Variants in CYP7B1 observed in about 807,000 individuals in gnomAD.
CYP7B1 encodes cytochrome P450 family 7 subfamily B member 1.
In CYP7B1, 29 loss-of-function variants were observed where a neutral mutation model predicts 42.7. The ratio of observed to expected loss-of-function variants is 0.68; its 90% CI spans 0.51 to 0.93. The LOEUF (loss-of-function observed/expected upper bound fraction) is 0.93, where lower values mean the gene tolerates loss of function less well. Ranked by LOEUF, CYP7B1 falls within the 40% of genes least tolerant of loss-of-function variation. CYP7B1 has a pLI of 0.00. For synonymous variants in CYP7B1, 235 were observed against 218.2 expected, an observed-to-expected ratio of 1.08 and a Z score of -0.68; for missense variants, 655 against 600.5, an observed-to-expected ratio of 1.09 and a Z score of -0.95.
At chr8:64,714,541 C>T (rs1807125662) in intron 1 of CYP7B1, among the ~76,000 whole-genome samples, 1 of 152,192 alleles carries the variant, frequency 6.6e-6, no homozygotes. Flanking sequence ...CTTCTAGTTG[C>T]AATCAGAGGG....
At chr8:64,709,921 G>T (rs764422238) in intron 1 of CYP7B1, among the ~76,000 whole-genome samples, 2 of 152,028 alleles carry the variant, frequency 1.3e-5, no homozygotes, top group Non-Finnish European at 2.9e-5. Context: ...TACTGTTTGA[G>T]AGCAATTTTT....
At chr8:64,661,146 G>A (rs558514054) in intron 1 of CYP7B1, among the ~76,000 whole-genome samples, 63 of 152,168 alleles carry the variant, frequency 4.1e-4, no homozygotes, top group Non-Finnish European at 7.9e-4. Flanking sequence ...TTTTACAGAA[G>A]GATAAGGTTT....
intron 1 of CYP7B1, among the ~76,000 whole-genome samples, chr8:64,653,457 T>C (rs913105339): frequency 1.3e-5 from 2 of 152,130 alleles, no homozygotes; most frequent in East Asian, 1.9e-4. Context: ...CAGGAAGAAA[T>C]TGATTCTTTT....
chr8:64,689,439 A>T (rs1308364401), intron 1 of CYP7B1, among the ~76,000 whole-genome samples: 4 of 152,222 alleles, frequency 2.6e-5, no homozygotes, highest in Non-Finnish European at 5.9e-5. Flanking sequence ...TCACGAATCA[A>T]AGCACAACAC....
Position 64,596,880 on chromosome 8 carries a change from A to T in CYP7B1, c.1283T>A (p.Phe428Tyr). The change falls in exon 6 of 6, where the codon TTT becomes TAT. Residue 428 changes from phenylalanine (F) to tyrosine (Y), a missense_variant. Transcript: ENST00000310193. ...FIEDGKKKTT[F>Y]FKRGKKLKCY... is the part of the protein sequence containing the mutation. ...CTTCAGCTTTTTCCCTCTTTTGAAA[A>T]AGGTGGTTTTCTTCTTACCATCTTC... is the stretch of plus-strand genomic sequence containing the variant. 6.2e-7 allele frequency: 1 copy of T among 1,613,798 alleles called. No homozygotes were observed. The highest frequency in any genetic ancestry group is 8.5e-7 in the Non-Finnish European group (1 of 1,179,790).
At chr8:64,764,256 C>A (rs1807938570) in intron 1 of CYP7B1, among the ~76,000 whole-genome samples, 2 of 149,850 alleles carry the variant, frequency 1.3e-5, no homozygotes, top group Admixed American at 1.3e-4. Context: ...CCCCCGCCCC[C>A]TGCAATACAA....
In CYP7B1 at chr8:64,596,795, A is replaced by T; in HGVS notation, c.1368T>A (p.Leu456=). ...TAACCAACAATTGTTTTATTTCCAT[A>T]AGTGCAAAAAATCGGCCTGGACATT... is the stretch of plus-strand genomic sequence containing the variant. The part of the protein sequence containing the change: ...TSKCPGRFFA[L]MEIKQLLVIL... The change falls in exon 6 of 6, where the codon CTT becomes CTA. Residue 456 remains leucine, a synonymous_variant. Transcript: ENST00000310193. The T allele has an allele frequency of 1.2e-6, 2 of 1,614,098 alleles. No individual in the cohort carries two copies. Among genetic ancestry groups the T allele is most frequent in the Non-Finnish European group, 1.7e-6 (2 of 1,179,990 alleles).
intron 1 of CYP7B1, among the ~76,000 whole-genome samples, chr8:64,723,409 A>G (rs1253576399): frequency 6.6e-6 from 1 of 152,234 alleles, no homozygotes; most frequent in African/African-American, 2.4e-5. Flanking sequence ...ATGCCCAATA[A>G]GTAAAATTTT....
At chr8:64,650,210 T>G (rs1806017025) in intron 1 of CYP7B1, among the ~76,000 whole-genome samples, 1 of 152,204 alleles carries the variant, frequency 6.6e-6, no homozygotes, top group Admixed American at 6.5e-5. Flanking sequence ...TATAAGTTGG[T>G]TGGTCTATAT....
intron 1 of CYP7B1, among the ~76,000 whole-genome samples, chr8:64,742,195 T>A (rs1807580222): frequency 6.6e-6 from 1 of 151,600 alleles, no homozygotes; most frequent in Non-Finnish European, 1.5e-5. Context: ...ATTTTTAAGA[T>A]CTTTAGTTAA....
chr8:64,741,824 A>G (rs1193363845), intron 1 of CYP7B1, among the ~76,000 whole-genome samples: 1 of 152,218 alleles, frequency 6.6e-6, no homozygotes, highest in Non-Finnish European at 1.5e-5. Context: ...GCAGAAAACT[A>G]CAAAACTCTA....
chr8:64,760,418 G>A (rs923541795), intron 1 of CYP7B1, among the ~76,000 whole-genome samples: 1 of 151,812 alleles, frequency 6.6e-6, no homozygotes, highest in African/African-American at 2.4e-5. Context: ...AAAATAAAAG[G>A]ACCATCGAAT....
intron 1 of CYP7B1, among the ~76,000 whole-genome samples, chr8:64,794,756 A>G (rs1305443939): frequency 6.6e-6 from 1 of 152,228 alleles, no homozygotes; most frequent in Non-Finnish European, 1.5e-5. Flanking sequence ...GCATCACCAA[A>G]GAAGAGAGAA....
At chr8:64,758,128 T>C (rs748905362) in intron 1 of CYP7B1, among the ~76,000 whole-genome samples, 27 of 152,134 alleles carry the variant, frequency 1.8e-4, no homozygotes, top group Non-Finnish European at 3.2e-4. Context: ...ATACCACCTA[T>C]TCCTATGGTT....
At chr8:64,707,558 G>C (rs893551452) in intron 1 of CYP7B1, among the ~76,000 whole-genome samples, 2 of 152,002 alleles carry the variant, frequency 1.3e-5, no homozygotes, top group African/African-American at 4.8e-5. Context: ...ACTGAAAATG[G>C]TATTCACCTG....
intron 5 of CYP7B1, among the ~76,000 whole-genome samples, chr8:64,604,276 T>A (rs1324931722): frequency 1.3e-5 from 2 of 152,224 alleles, no homozygotes; most frequent in East Asian, 3.8e-4. Context: ...TTTGGAACAG[T>A]CAACCTCACT....
At chr8:64,654,086 A>G (rs889669350) in intron 1 of CYP7B1, among the ~76,000 whole-genome samples, 42 of 152,338 alleles carry the variant, frequency 2.8e-4, no homozygotes, top group African/African-American at 1.0e-3. Context: ...CAAAAGCTGG[A>G]ACCATTCCCC....
At chr8:64,663,364 T>C (rs1034315442) in intron 1 of CYP7B1, among the ~76,000 whole-genome samples, 1 of 152,172 alleles carries the variant, frequency 6.6e-6, no homozygotes, top group Non-Finnish European at 1.5e-5. Context: ...GACACTTAAA[T>C]GTTTTAAAAA....
intron 1 of CYP7B1, among the ~76,000 whole-genome samples, chr8:64,683,292 A>G (rs1163134566): frequency 6.6e-6 from 1 of 152,234 alleles, no homozygotes; most frequent in Non-Finnish European, 1.5e-5. Context: ...ATTTGCAACA[A>G]CATGGATGGA....
Sources: allele counts gnomAD v4.1 joint callset (sites outside exome capture counted in the v4.1 genomes callset), GRCh38; gene constraint gnomAD v4.1.1; transcripts MANE v1.5; gene names NCBI Gene and HGNC (gene_info 2026-07-23, HGNC 2026-07-21).